Variants in CADPS2 observed in about 807,000 individuals in gnomAD.
The protein encoded by CADPS2 is calcium-dependent secretion activator 2.
A neutral mutation model predicts 172.5 loss-of-function variants in CADPS2; 93 were observed. That is an observed-to-expected ratio of 0.54 (90% confidence interval 0.46 to 0.64). CADPS2 has a LOEUF of 0.64. Among genes scored for constraint, CADPS2 ranks in the 30% least tolerant of loss-of-function variants. The pLI is 0.00. For missense variants in CADPS2, 1,420 were observed against 1,565.9 expected (o/e 0.91, Z 1.57); for synonymous variants, 546 against 555.2 (o/e 0.98, Z 0.23).
chr7:122,487,504 C>A (rs972323839), intron 11 of CADPS2, among the ~76,000 whole-genome samples: 2 of 151,626 alleles, frequency 1.3e-5, no homozygotes, highest in South Asian at 4.2e-4. Context: ...GATACATAAC[C>A]AAAGAATAAA....
At chr7:122,852,951 C>T (rs562905243) in intron 1 of CADPS2, among the ~76,000 whole-genome samples, 1 of 152,312 alleles carries the variant, frequency 6.6e-6, no homozygotes, top group East Asian at 1.9e-4. Context: ...GCTTTGCAAT[C>T]TCCACTTCGA....
chr7:122,562,103 T>A (rs117695732), intron 7 of CADPS2, among the ~76,000 whole-genome samples: 1 of 152,202 alleles, frequency 6.6e-6, no homozygotes, highest in Non-Finnish European at 1.5e-5. Context: ...TCAAAATCTA[T>A]GAAACTTTCA....
At chr7:122,702,876 G>T in intron 2 of CADPS2, 1 of 667,356 alleles carries the variant, frequency 1.5e-6, no homozygotes, top group Non-Finnish European at 2.6e-6. Flanking sequence ...GGTCTCCCTG[G>T]ATCAAAGCTA....
chr7:122,471,242 T>TGGG, intron 14 of CADPS2, 133 bp downstream of exon 14: 1 of 341,474 alleles, frequency 2.9e-6, no homozygotes, highest in Non-Finnish European at 4.8e-6. Context: ...TTCTCTGTCG[T>TGGG]TTTTTTTTTT....
chr7:122,524,073 C>G (rs2061018038), intron 8 of CADPS2, among the ~76,000 whole-genome samples: 1 of 152,138 alleles, frequency 6.6e-6, no homozygotes, highest in Non-Finnish European at 1.5e-5. Context: ...CTTATGCAAT[C>G]CTAGACATTT....
chr7:122,334,421 G>A (rs948921397), intron 28 of CADPS2, among the ~76,000 whole-genome samples: 7 of 152,172 alleles, frequency 4.6e-5, no homozygotes, highest in Non-Finnish European at 1.0e-4. Context: ...TCCTGGGTGC[G>A]TTCTACACTT....
intron 1 of CADPS2, among the ~76,000 whole-genome samples, chr7:122,837,634 G>C (rs2140837965): frequency 6.6e-6 from 1 of 152,290 alleles, no homozygotes; most frequent in African/African-American, 2.4e-5. Flanking sequence ...ACTACCATCA[G>C]AGAATACTAT....
intron 3 of CADPS2, among the ~76,000 whole-genome samples, chr7:122,660,606 TAAA>T (rs34544622): frequency 6.8e-6 from 1 of 146,354 alleles, no homozygotes. Flanking sequence ...AGTCTGGATT[TAAA>T]AAAAAAAAAA....
intron 17 of CADPS2, among the ~76,000 whole-genome samples, chr7:122,416,616 T>C (rs1462533981): frequency 2.0e-5 from 3 of 152,212 alleles, no homozygotes; most frequent in African/African-American, 7.2e-5. Flanking sequence ...CTATAGTTCA[T>C]GTTGATCTTA....
At chr7:122,677,115 T>C (rs1468357990) in intron 2 of CADPS2, among the ~76,000 whole-genome samples, 1 of 152,000 alleles carries the variant, frequency 6.6e-6, no homozygotes, top group Non-Finnish European at 1.5e-5. Context: ...TGATCAGGTG[T>C]CATAAGCAAG....
intron 1 of CADPS2, among the ~76,000 whole-genome samples, 157 bp from the exon 2 acceptor site, chr7:122,737,225 T>C (rs997075091): frequency 6.6e-6 from 1 of 152,186 alleles, no homozygotes; most frequent in African/African-American, 2.4e-5. Flanking sequence ...CTTGTTCTAA[T>C]GGTTAGACCT....
intron 7 of CADPS2, among the ~76,000 whole-genome samples, chr7:122,561,700 G>GT (rs1378571462): frequency 6.6e-6 from 1 of 151,926 alleles, no homozygotes; most frequent in East Asian, 1.9e-4. Context: ...TTTTTCACCA[G>GT]TTTTTTATTG....
chr7:122,332,519 A>C (rs2035141855), intron 28 of CADPS2, among the ~76,000 whole-genome samples: 1 of 152,126 alleles, frequency 6.6e-6, no homozygotes, highest in African/African-American at 2.4e-5. Flanking sequence ...TTGTAAATTA[A>C]GAGTATCATG....
intron 20 of CADPS2, among the ~76,000 whole-genome samples, chr7:122,402,554 A>C (rs1233527321): frequency 6.6e-6 from 1 of 152,250 alleles, no homozygotes; most frequent in Non-Finnish European, 1.5e-5. Flanking sequence ...ATAAGAAACC[A>C]ATTAGGACGA....
chr7:122,405,785 T>C (rs2046570539), intron 20 of CADPS2, among the ~76,000 whole-genome samples: 1 of 152,088 alleles, frequency 6.6e-6, no homozygotes, highest in Admixed American at 6.5e-5. Flanking sequence ...AAGGTAGGAA[T>C]TGTAAGCTTA....
chr7:122,625,985 C>T (rs1403648995), intron 4 of CADPS2, among the ~76,000 whole-genome samples: 2 of 152,166 alleles, frequency 1.3e-5, no homozygotes, highest in East Asian at 3.9e-4. Flanking sequence ...AGTGGAAGTT[C>T]GCTGCAGGTG....
At chr7:122,807,865 A>T (rs1464091716) in intron 1 of CADPS2, among the ~76,000 whole-genome samples, 1 of 152,194 alleles carries the variant, frequency 6.6e-6, no homozygotes, top group African/African-American at 2.4e-5. Flanking sequence ...AAAAGGCCTC[A>T]TTTTAATGTA....
At chr7:122,432,377 T>C (rs977946188) in intron 17 of CADPS2, among the ~76,000 whole-genome samples, 11 of 152,082 alleles carry the variant, frequency 7.2e-5, no homozygotes, top group Non-Finnish European at 1.6e-4. Context: ...CTGTGGCTCA[T>C]GCTTGTAATC....
At chr7:122,516,057 A>G (rs2060350872) in intron 8 of CADPS2, among the ~76,000 whole-genome samples, 1 of 152,154 alleles carries the variant, frequency 6.6e-6, no homozygotes, top group Non-Finnish European at 1.5e-5. Context: ...GGACAGATGG[A>G]TACATACATG....
Sources: allele counts gnomAD v4.1 joint callset (sites outside exome capture counted in the v4.1 genomes callset), GRCh38; gene constraint gnomAD v4.1.1; transcripts MANE v1.5; gene names NCBI Gene and HGNC (gene_info 2026-07-23, HGNC 2026-07-21).